NUDCD1: variants seen among roughly 807,000 people sequenced by gnomAD.
The protein encoded by NUDCD1 is NudC domain containing 1.
NUDCD1 carries 60 observed loss-of-function variants against 67.8 expected under a neutral mutation model. The observed-to-expected ratio is 0.88, with a 90% CI of 0.72 to 1.10. NUDCD1 has a LOEUF of 1.10. NUDCD1 is among the 50% of genes least tolerant of loss of function. The pLI is 0.00. For synonymous variants in NUDCD1, 244 were observed against 230.8 expected (o/e 1.06, Z -0.52); for missense variants, 643 against 695.0 (o/e 0.93, Z 0.84).
chr8:109,321,225 T>C (rs1815526378), intron 2 of NUDCD1, among the ~76,000 whole-genome samples: 1 of 152,138 alleles, frequency 6.6e-6, no homozygotes, highest in African/African-American at 2.4e-5. Flanking sequence ...ATTAACAGAT[T>C]ATTGGCTGTT....
intron 8 of NUDCD1, among the ~76,000 whole-genome samples, chr8:109,255,326 C>A (rs989096681): frequency 6.6e-6 from 1 of 151,966 alleles, no homozygotes; most frequent in Non-Finnish European, 1.5e-5. Context: ...AGAAGTAAAT[C>A]CTGGGTTGCA....
chr8:109,250,597 T>C (rs2980598), intron 8 of NUDCD1, among the ~76,000 whole-genome samples: 54,753 of 152,062 alleles, frequency 0.36, 10,702 homozygotes, highest in South Asian at 0.5. Context: ...TCTTTTACCA[T>C]GAAGTATGGT....
intron 5 of NUDCD1, among the ~76,000 whole-genome samples, chr8:109,282,243 A>G (rs1586275749): frequency 6.6e-6 from 1 of 152,274 alleles, no homozygotes; most frequent in South Asian, 2.1e-4. Flanking sequence ...CCATTGCCTG[A>G]GGCAATAGAG....
At position 109,303,344 on chromosome 8, in the gene NUDCD1, T is replaced by G. The variant is rs575325063; in HGVS notation, c.274-6775A>C. Among the ~76,000 whole-genome samples the G allele has an allele frequency of 2.0e-5, 3 of 152,248 alleles. No homozygotes were observed. The South Asian group carries it at 6.2e-4, about 32-fold the overall frequency. On this transcript the variant is annotated intron_variant, in intron 2 of 9. Coordinates refer to ENST00000239690, the MANE Select transcript of NUDCD1 (RefSeq NM_032869.4). Reference sequence around the variant, plus strand: ...CATCACAGACACTTTGGGTAACTCTTACACTGGAGGGTAAGTCTGTCCCCT... The same window carrying G: ...CATCACAGACACTTTGGGTAACTCTGACACTGGAGGGTAAGTCTGTCCCCT...
Position 109,322,394 on chromosome 8 carries a change from T to C in NUDCD1, c.188A>G (p.Asn63Ser), listed in dbSNP as rs768055076. The C allele has an allele frequency of 3.4e-5, 55 of 1,602,496 alleles. No individual in the cohort carries two copies. Among genetic ancestry groups the C allele is most frequent in the Non-Finnish European group, 4.6e-5 (54 of 1,170,062 alleles). The change falls in exon 2 of 10, where the codon AAT (asparagine) becomes AGT (serine). Residue 63 changes from asparagine to serine, a missense_variant. Coordinates refer to ENST00000239690, the MANE Select transcript of NUDCD1 (RefSeq NM_032869.4). Reference protein sequence around the residue: ...LEHMHAFGMYNYLHCDSWYQD... With the variant: ...LEHMHAFGMYSYLHCDSWYQD... ...ATACCATGAATCACAGTGCAGGTAA[T>C]TATACATTCCAAAAGCATGCATGTG...
intron 2 of NUDCD1, among the ~76,000 whole-genome samples, chr8:109,301,189 CTG>C (rs1814980038): frequency 6.6e-6 from 1 of 152,190 alleles, no homozygotes; most frequent in Admixed American, 6.5e-5. Flanking sequence ...ATAGTCTTAA[CTG>C]ATGACATTCC....
At chr8:109,298,749 A>G (rs1208174214) in intron 2 of NUDCD1, 1 of 152,208 alleles carries the variant, frequency 6.6e-6, no homozygotes, top group Non-Finnish European at 1.5e-5. Flanking sequence ...ATCATGACAG[A>G]CGGGAGGCAG....
At chr8:109,270,016 T>C (rs912775919) in intron 8 of NUDCD1, among the ~76,000 whole-genome samples, 12 of 126,658 alleles carry the variant, frequency 9.5e-5, no homozygotes, top group African/African-American at 3.3e-4. Context: ...AGTATCTTAA[T>C]ACAAATCTGT....
intron 2 of NUDCD1, among the ~76,000 whole-genome samples, chr8:109,303,789 T>G (rs1246786263): frequency 6.6e-6 from 1 of 152,126 alleles, no homozygotes; most frequent in Non-Finnish European, 1.5e-5. Context: ...CCTCGCTCAA[T>G]GCCAATATCC....
intron 3 of NUDCD1, 115 bp downstream of exon 3, chr8:109,296,269 C>G: frequency 1.2e-6 from 1 of 820,632 alleles, no homozygotes; most frequent in Non-Finnish European, 2.0e-6. Context: ...CATTATATAT[C>G]AAACAAACAA....
At chr8:109,315,402 G>A (rs1421644372) in intron 2 of NUDCD1, 1 of 152,084 alleles carries the variant, frequency 6.6e-6, no homozygotes, top group Non-Finnish European at 1.5e-5. Flanking sequence ...ATTAACCAGA[G>A]AAGATTAAAA....
chr8:109,283,472 A>T (rs145522033), intron 5 of NUDCD1, among the ~76,000 whole-genome samples: 72 of 152,312 alleles, frequency 4.7e-4, no homozygotes, highest in African/African-American at 1.6e-3. Context: ...AATGAAGATC[A>T]CCAAGGCATA....
At position 109,298,081 on chromosome 8, in the gene NUDCD1, A is replaced by G. The variant is rs909894587; in HGVS notation, c.274-1512T>C. 1.3e-5 allele frequency among the ~76,000 whole-genome samples: 2 copies of G among 152,066 alleles called. 1 individual carries two copies. Among genetic ancestry groups the G allele is most frequent in the South Asian group, 4.1e-4 (2 of 4,824 alleles). On this transcript the variant is annotated intron_variant, in intron 2 of 9. Transcript: ENST00000239690. ...CGAAACAGCACCTTTCCTTCCTTTC[A>G]TATTTTACTGCTTTATATAATATTA...
At chr8:109,289,677 C>T in intron 5 of NUDCD1, 74 bp downstream of exon 5, 1 of 769,166 alleles carries the variant, frequency 1.3e-6, no homozygotes, top group Non-Finnish European at 2.0e-6. Context: ...AACTATTAAC[C>T]TAACTGGGAA....
At chr8:109,331,515 CAAAAAAA>C (rs59203626) in intron 1 of NUDCD1, among the ~76,000 whole-genome samples, 2 of 65,888 alleles carry the variant, frequency 3.0e-5, no homozygotes, top group Non-Finnish European at 6.2e-5. Flanking sequence ...GACTCAGACT[CAAAAAAA>C]AAAAAAAAAA....
chr8:109,334,041 T>C lies in NUDCD1; in HGVS notation c.-31A>G, dbSNP rs372492553. The C allele has an allele frequency of 1.5e-5, 25 of 1,613,614 alleles. No individual in the cohort carries two copies. The highest frequency in any genetic ancestry group is 1.9e-5 in the Non-Finnish European group (23 of 1,179,788). On this transcript the variant is annotated 5_prime_UTR_variant, in exon 1 of 10. Coordinates refer to ENST00000239690, the MANE Select transcript of NUDCD1 (RefSeq NM_032869.4). ...TCCAGGGCCGCAGCGTGAGAATTAA[T>C]AAAGCCCTTGTTGAAAGGTCCGCGC...
chr8:109,318,092 CAATAAACACGTTAA>C (rs1157662259), intron 2 of NUDCD1, among the ~76,000 whole-genome samples: 8 of 152,262 alleles, frequency 5.3e-5, no homozygotes, highest in African/African-American at 1.9e-4. Flanking sequence ...AGCAGGTTTT[CAATAAACACGTTAA>C]AATGAACTCA....
intron 2 of NUDCD1, among the ~76,000 whole-genome samples, chr8:109,302,456 C>A (rs1182587300): frequency 6.6e-6 from 1 of 152,112 alleles, no homozygotes; most frequent in Non-Finnish European, 1.5e-5. Flanking sequence ...TTTCTACAGA[C>A]CCATCTGACC....
chr8:109,298,244 T>A (rs1010811084), intron 2 of NUDCD1, among the ~76,000 whole-genome samples: 5 of 152,170 alleles, frequency 3.3e-5, no homozygotes, highest in African/African-American at 1.2e-4. Context: ...CTATTAGTAG[T>A]AAACATCAAG....
Sources: allele counts gnomAD v4.1 joint callset (sites outside exome capture counted in the v4.1 genomes callset), GRCh38; gene constraint gnomAD v4.1.1; transcripts MANE v1.5; gene names NCBI Gene and HGNC (gene_info 2026-07-23, HGNC 2026-07-21).